CWC22: variants seen among roughly 807,000 people sequenced by gnomAD.
The protein encoded by CWC22 is CWC22 spliceosome associated protein.
Under a neutral mutation model 117.2 loss-of-function variants are expected in CWC22, and 53 were observed. The ratio of observed to expected loss-of-function variants is 0.45; its 90% CI spans 0.36 to 0.57. The LOEUF is 0.57. CWC22 is among the 20% of genes least tolerant of loss of function. The pLI is 0.00. For missense variants in CWC22, 980 were observed against 1,068.8 expected (o/e 0.92, Z 1.16); for synonymous variants, 360 against 355.6 (o/e 1.01, Z -0.14).
At chr2:179,957,118 A>C (rs1686614517) in intron 14 of CWC22, among the ~76,000 whole-genome samples, 1 of 152,250 alleles carries the variant, frequency 6.6e-6, no homozygotes. Flanking sequence ...TGATGGCTTA[A>C]TTATCTTCCT....
At chr2:179,995,049 C>T (rs1460613274) in intron 1 of CWC22, among the ~76,000 whole-genome samples, 1 of 152,080 alleles carries the variant, frequency 6.6e-6, no homozygotes, top group Non-Finnish European at 1.5e-5. Flanking sequence ...ACCTGGGAGG[C>T]GGAGCTTGCA....
intron 19 of CWC22, among the ~76,000 whole-genome samples, chr2:179,948,241 T>G (rs1012088737): frequency 2.0e-5 from 3 of 152,204 alleles, no homozygotes; most frequent in Non-Finnish European, 4.4e-5. Context: ...TATTGGACTT[T>G]AACCCACAGG....
At chr2:179,952,716 C>A in intron 16 of CWC22, 118 bp from the exon 17 acceptor site, 1 of 497,688 alleles carries the variant, frequency 2.0e-6, no homozygotes, top group East Asian at 3.4e-5. Context: ...CATCTTCAAC[C>A]AGAGTTATCT....
intron 13 of CWC22, 101 bp from the exon 14 acceptor site, chr2:179,959,183 A>T: frequency 2.7e-6 from 2 of 749,808 alleles, no homozygotes; most frequent in Non-Finnish European, 4.4e-6. Flanking sequence ...CATCTTTTTT[A>T]ACTGTAATTT....
At chr2:179,980,055 C>G (rs16867129) in intron 5 of CWC22, among the ~76,000 whole-genome samples, 11,981 of 152,210 alleles carry the variant, frequency 0.079, 629 homozygotes, top group East Asian at 0.24. Flanking sequence ...TGCTGACTCT[C>G]CTGTGTGCTT....
intron 14 of CWC22, 102 bp from the exon 15 acceptor site, chr2:179,955,136 G>T (rs1264861507): frequency 2.6e-6 from 2 of 778,060 alleles, no homozygotes; most frequent in Admixed American, 2.7e-5. Context: ...TTAAATAAGG[G>T]TTTAAAACAG....
intron 14 of CWC22, 90 bp downstream of exon 14, chr2:179,958,932 T>G (rs1686675198): frequency 1.4e-6 from 1 of 691,666 alleles, no homozygotes; most frequent in Non-Finnish European, 2.6e-6. Context: ...ACTGAGGTAT[T>G]GCTTCAATCC....
At chr2:179,960,127 C>T (rs552249038) in intron 13 of CWC22, among the ~76,000 whole-genome samples, 22 of 152,098 alleles carry the variant, frequency 1.4e-4, no homozygotes, top group African/African-American at 3.4e-4. Flanking sequence ...TCAAATATGA[C>T]GGTAGTAAAT....
intron 13 of CWC22, among the ~76,000 whole-genome samples, chr2:179,962,069 T>G (rs1449362231): frequency 1.3e-5 from 2 of 152,110 alleles, no homozygotes; most frequent in Admixed American, 6.5e-5. Context: ...TGTTACAACT[T>G]CAATAAAATA....
chr2:179,955,350 C>A (rs1686560476), intron 14 of CWC22, among the ~76,000 whole-genome samples: 1 of 151,886 alleles, frequency 6.6e-6, no homozygotes, highest in African/African-American at 2.4e-5. Flanking sequence ...TAATACACTG[C>A]ATTCTTAAAG....
chr2:179,969,102 C>T (rs1345134248), intron 11 of CWC22, among the ~76,000 whole-genome samples: 3 of 152,036 alleles, frequency 2.0e-5, no homozygotes, highest in Non-Finnish European at 2.9e-5. Flanking sequence ...AAAGAAAGTA[C>T]TACTTTCCAG....
At chr2:179,993,506 TGATGA>T in intron 1 of CWC22, 52 bp from the exon 2 acceptor site, 1 of 567,030 alleles carries the variant, frequency 1.8e-6, no homozygotes, top group Non-Finnish European at 3.1e-6. Flanking sequence ...GTGTGAAAAA[TGATGA>T]TATATTTTTT....
chr2:179,975,295 T>C (rs1018608424), intron 6 of CWC22, among the ~76,000 whole-genome samples: 1 of 152,260 alleles, frequency 6.6e-6, no homozygotes, highest in African/African-American at 2.4e-5. Flanking sequence ...AGAAATTAAA[T>C]TGGAATAAAG....
intron 1 of CWC22, among the ~76,000 whole-genome samples, chr2:180,000,281 G>A (rs981912356): frequency 2.0e-5 from 3 of 152,136 alleles, no homozygotes; most frequent in Admixed American, 6.5e-5. Flanking sequence ...AAAGTCACCA[G>A]GTACAGGTTG....
chr2:179,992,820 G>A (rs556057418), intron 2 of CWC22, among the ~76,000 whole-genome samples: 7 of 152,246 alleles, frequency 4.6e-5, no homozygotes, highest in East Asian at 3.9e-4. Context: ...ATAAATGAAC[G>A]CACACTGTCT....
At chr2:179,985,253 T>C (rs1457257472) in intron 4 of CWC22, among the ~76,000 whole-genome samples, 2 of 152,076 alleles carry the variant, frequency 1.3e-5, no homozygotes, top group African/African-American at 4.8e-5. Context: ...ACCTGGAAAT[T>C]GTCTGCATCA....
At chr2:179,995,219 T>C (rs17779845) in intron 1 of CWC22, among the ~76,000 whole-genome samples, 21,772 of 152,242 alleles carry the variant, frequency 0.14, 1,947 homozygotes, top group Admixed American at 0.29. Flanking sequence ...TATGACATCA[T>C]TGTTTGAACT....
intron 11 of CWC22, among the ~76,000 whole-genome samples, chr2:179,967,096 A>G (rs1686909341): frequency 6.6e-6 from 1 of 152,220 alleles, no homozygotes; most frequent in African/African-American, 2.4e-5. Context: ...ACTATTTAGT[A>G]TTCAATAGTA....
Position 179,945,066 on chromosome 2 carries a change from A to C in CWC22, c.*63T>G. On this transcript the variant is annotated 3_prime_UTR_variant, in exon 20 of 20. Coordinates refer to ENST00000410053, the MANE Select transcript of CWC22 (RefSeq NM_020943.3). ...CAAGAATTCTCTATAAAGTTCGTCA[A>C]AGTAAAAAATAATTTGTTTCAACTG... 1 of 1,174,146 alleles carries C rather than the reference A, an allele frequency of 8.5e-7. No individual in the cohort carries two copies. Among genetic ancestry groups the C allele is most frequent in the South Asian group, 1.6e-5 (1 of 61,916 alleles). The allele number at this position is 1,174,146 out of a possible 1,614,324, so 72.7% of individuals were successfully genotyped here.
Sources: gnomAD v4.1 joint callset for allele counts (sites outside exome capture counted in the v4.1 genomes callset) on GRCh38, gnomAD v4.1.1 for gene constraint, MANE v1.5 for transcripts, NCBI Gene and HGNC (gene_info 2026-07-23, HGNC 2026-07-21) for gene names.